NXPE1: variants seen among roughly 807,000 people sequenced by gnomAD.
NXPE1 encodes neurexophilin and PC-esterase domain family member 1.
Under a neutral mutation model 33.3 loss-of-function variants are expected in NXPE1, and 31 were observed. The observed-to-expected ratio is 0.93, with a 90% CI of 0.70 to 1.26. NXPE1 has a LOEUF of 1.26. Among genes scored for constraint, NXPE1 ranks in the 50% most tolerant of loss-of-function variants. NXPE1 has a pLI of 0.00. For missense variants in NXPE1, 661 were observed against 655.6 expected, an observed-to-expected ratio of 1.01 and a Z score of -0.09; for synonymous variants, 229 against 231.4, an observed-to-expected ratio of 0.99 and a Z score of 0.09.
rs1227112048 is a variant in NXPE1 at position 114,532,369 on chromosome 11, A to G, written c.100-1461T>C. Among the ~76,000 whole-genome samples, 3 of 152,324 alleles carry G rather than the reference A, an allele frequency of 2.0e-5. No homozygotes were observed. The South Asian group carries it at 6.2e-4, about 32-fold the overall frequency. Reference sequence around the variant, plus strand: ...AGAACCTTTTGGTTCTCTGGAAAATATATATCTGGAAAATATAAAAAACTT... The same window carrying G: ...AGAACCTTTTGGTTCTCTGGAAAATGTATATCTGGAAAATATAAAAAACTT... On this transcript the variant is annotated intron_variant, in intron 5 of 8. Coordinates refer to ENST00000534921, the Ensembl canonical transcript of NXPE1.
At chr11:114,542,989 T>C (rs775743958) in intron 5 of NXPE1, among the ~76,000 whole-genome samples, 42 of 152,316 alleles carry the variant, frequency 2.8e-4, no homozygotes, top group Non-Finnish European at 5.1e-4. Flanking sequence ...GTAAAGTGGC[T>C]TATGCCTATA....
rs192315337 is a variant in NXPE1, at chr11:114,544,092, A to G, written c.99+7011T>C. Among the ~76,000 whole-genome samples, 587 of 152,334 alleles carry G rather than the reference A, an allele frequency of 3.9e-3. 5 individuals carry two copies. The highest frequency in any genetic ancestry group is 0.013 in the African/African-American group (532 of 41,582). On this transcript the variant is annotated intron_variant, in intron 5 of 8. Transcript: ENST00000534921. Reference sequence around the variant, plus strand: ...ATGGAAGAAATTTTAAAAAATCTAAATAAATGGAGAGAGATTCCATGTTCA... The same window carrying G: ...ATGGAAGAAATTTTAAAAAATCTAAGTAAATGGAGAGAGATTCCATGTTCA...
chr11:114,524,296 G>A (rs1190223726), intron 7 of NXPE1, among the ~76,000 whole-genome samples: 7 of 152,192 alleles, frequency 4.6e-5, no homozygotes, highest in Admixed American at 4.6e-4. Flanking sequence ...ACTAAAGAAG[G>A]AGAAGGCAGT....
At chr11:114,545,772 T>G (rs960775866) in intron 5 of NXPE1, among the ~76,000 whole-genome samples, 4 of 150,426 alleles carry the variant, frequency 2.7e-5, no homozygotes, top group African/African-American at 9.8e-5. Flanking sequence ...CACTGTAACC[T>G]CCGCCTTCCA....
chr11:114,535,052 AG>A (rs1444985240), intron 5 of NXPE1, among the ~76,000 whole-genome samples: 2 of 152,244 alleles, frequency 1.3e-5, no homozygotes, highest in Non-Finnish European at 2.9e-5. Flanking sequence ...TTACCCACAA[AG>A]GGAAGCCCAT....
chr11:114,553,641 A>G (rs1948578585), intron 1 of NXPE1: 1 of 848,788 alleles, frequency 1.2e-6, no homozygotes, highest in Non-Finnish European at 1.4e-6. Flanking sequence ...GACTTCTTAG[A>G]ATCCTATGGC....
intron 5 of NXPE1, 61 bp from the exon 6 acceptor site, chr11:114,530,969 T>G: frequency 4.8e-6 from 7 of 1,452,282 alleles, no homozygotes; most frequent in South Asian, 2.9e-5. Context: ...TTTTACTTAT[T>G]ATGAGTTTGA....
chr11:114,559,646 T>C (rs1484506042), intron 1 of NXPE1, among the ~76,000 whole-genome samples, 152 bp downstream of exon 1: 1 of 152,200 alleles, frequency 6.6e-6, no homozygotes, highest in Non-Finnish European at 1.5e-5. Flanking sequence ...CTTCTGAGCT[T>C]TCTCCCTTTT....
intron 5 of NXPE1, among the ~76,000 whole-genome samples, chr11:114,544,475 G>C (rs963016794): frequency 7.9e-5 from 12 of 152,134 alleles, no homozygotes; most frequent in Non-Finnish European, 2.9e-5. Flanking sequence ...CAATTTGATG[G>C]AAAAATGAGT....
exon 9 of NXPE1, chr11:114,522,474 C>T (rs949702862): frequency 1.6e-5 from 26 of 1,605,894 alleles, no homozygotes; most frequent in Non-Finnish European, 1.6e-5. Context: ...TTAAAGATTC[C>T]AGTTTCATGA....
In NXPE1 at chr11:114,522,031, AG is replaced by A; in HGVS notation, c.1580del (p.Thr527IlefsTer8). The A allele has an allele frequency of 6.2e-7, 1 of 1,613,972 alleles. No homozygotes were observed. Among genetic ancestry groups the A allele is most frequent in the Non-Finnish European group, 8.5e-7 (1 of 1,179,826 alleles). On this transcript the variant is annotated frameshift_variant, in exon 9 of 9. Coordinates refer to ENST00000534921, the Ensembl canonical transcript of NXPE1. LOFTEE classifies it high-confidence loss of function. ...CAATCACATGATCAGGTGGGTGGAT[AG>A]TGTCAGTGCCATATGCAATGGTCAT...
At chr11:114,530,786 C>A in exon 6 of NXPE1, 1 of 1,614,182 alleles carries the variant, frequency 6.2e-7, no homozygotes, top group Non-Finnish European at 8.5e-7. Flanking sequence ...CTATGATTTC[C>A]TTTATTCTGA....
chr11:114,546,668 G>T (rs1948295499), intron 5 of NXPE1, among the ~76,000 whole-genome samples: 1 of 151,952 alleles, frequency 6.6e-6, no homozygotes, highest in Non-Finnish European at 1.5e-5. Context: ...AACAAACAGA[G>T]CCAGTGTCTA....
intron 5 of NXPE1, among the ~76,000 whole-genome samples, chr11:114,545,840 C>T (rs921274559): frequency 1.3e-5 from 2 of 151,926 alleles, no homozygotes; most frequent in African/African-American, 4.8e-5. Flanking sequence ...AGGGGCACAC[C>T]ACCACGCCCA....
chr11:114,527,482 G>T (rs544477393), intron 7 of NXPE1, among the ~76,000 whole-genome samples: 14 of 152,260 alleles, frequency 9.2e-5, no homozygotes, highest in African/African-American at 3.1e-4. Context: ...CTAAATGTTA[G>T]GGGGTTATGC....
At chr11:114,558,789 T>G (rs1022541252) in intron 1 of NXPE1, among the ~76,000 whole-genome samples, 1 of 152,230 alleles carries the variant, frequency 6.6e-6, no homozygotes, top group African/African-American at 2.4e-5. Flanking sequence ...TGTTAGTTTG[T>G]GTTTATCTAT....
chr11:114,533,776 A>G (rs1013916019), intron 5 of NXPE1, among the ~76,000 whole-genome samples: 3 of 152,252 alleles, frequency 2.0e-5, no homozygotes, highest in Non-Finnish European at 2.9e-5. Flanking sequence ...GTAGGTAAAC[A>G]AAGCGGCCGG....
intron 5 of NXPE1, among the ~76,000 whole-genome samples, chr11:114,549,952 G>A (rs1262909543): frequency 6.6e-6 from 1 of 151,968 alleles, no homozygotes; most frequent in African/African-American, 2.4e-5. Context: ...TAAAATGGAA[G>A]TGACAATCCA....
At chr11:114,542,786 A>G (rs542447195) in intron 5 of NXPE1, among the ~76,000 whole-genome samples, 43 of 152,344 alleles carry the variant, frequency 2.8e-4, no homozygotes, top group Non-Finnish European at 4.4e-4. Context: ...TAAAATAAAC[A>G]TAATCATTAG....
Sources: gnomAD v4.1 joint callset for allele counts (sites outside exome capture counted in the v4.1 genomes callset) on GRCh38, gnomAD v4.1.1 for gene constraint, MANE v1.5 for transcripts, NCBI Gene and HGNC (gene_info 2026-07-23, HGNC 2026-07-21) for gene names.